The following C1GALT1 variants were observed in gnomAD, a reference collection of about 807,000 sequenced individuals.
C1GALT1 encodes the protein core 1 synthase, glycoprotein-N-acetylgalactosamine 3-beta-galactosyltransferase 1.
A neutral mutation model predicts 31.0 loss-of-function variants in C1GALT1; 11 were observed. That is an observed-to-expected ratio of 0.36 (90% CI 0.22 to 0.59). The LOEUF (loss-of-function observed/expected upper bound fraction) is 0.59. Ranked by LOEUF, C1GALT1 falls within the 20% of genes least tolerant of loss-of-function variation. The pLI is 0.79. For missense variants in C1GALT1, 424 were observed against 425.2 expected (o/e 1.00, Z 0.03); for synonymous variants, 175 against 143.6 (o/e 1.22, Z -1.56).
chr7:7,219,423 A>G (rs1782406324), intron 1 of C1GALT1, among the ~76,000 whole-genome samples: 1 of 152,064 alleles, frequency 6.6e-6, no homozygotes, highest in African/African-American at 2.4e-5. Context: ...GATAACAGGA[A>G]GCTAGGCATA....
intron 2 of C1GALT1, among the ~76,000 whole-genome samples, chr7:7,169,822 G>A (rs1780434401): frequency 2.0e-5 from 3 of 152,114 alleles, no homozygotes; most frequent in Admixed American, 1.3e-4. Flanking sequence ...GCACTTTTTT[G>A]TGATGTCTTT....
At chr7:7,234,223 C>A in intron 1 of C1GALT1, 80 bp from the exon 2 acceptor site, 1 of 1,032,268 alleles carries the variant, frequency 9.7e-7, no homozygotes, top group East Asian at 2.4e-5. Context: ...TCCGTTATAG[C>A]TAAATGTTAC....
Position 7,244,117 on chromosome 7 carries a change from G to A in C1GALT1, c.*390G>A. ...ATAAACAGATCTGCCTTAAAGAAAA[G>A]AAAATTTTAGAAAGAAATATTGTTG... is the stretch of plus-strand genomic sequence containing the variant. On this transcript the variant is annotated 3_prime_UTR_variant, in exon 4 of 4. Transcript: ENST00000436587. 1 of 154,122 alleles carries A rather than the reference G, an allele frequency of 6.5e-6. No homozygotes were observed. Among genetic ancestry groups the A allele is most frequent in the South Asian group, 2.0e-4 (1 of 4,896 alleles). The allele number at this position is 154,122 out of a possible 1,614,324, so 9.5% of individuals were successfully genotyped here. A position where few individuals can be genotyped will look rare whatever the true frequency, so the allele number is the denominator to read the frequency against.
rs748434606 is a variant in C1GALT1 at position 7,238,882 on chromosome 7, C to T, written c.848C>T (p.Thr283Met). 6.2e-6 allele frequency: 10 copies of T among 1,613,246 alleles called. No individual in the cohort carries two copies. The highest frequency in any genetic ancestry group is 1.7e-4 in the Middle Eastern group (1 of 6,052). The change falls in exon 3 of 4, where the codon ACG becomes ATG. Residue 283 changes from threonine (T) to methionine (M), a missense_variant. By Grantham distance (81) the Thr-to-Met change is moderately conservative. This residue lies in a region of C1GALT1 where 191 missense variants were observed against 188.8 expected (regional missense o/e 1.01). Transcript: ENST00000436587. This position sits in a 1 kb window ranked among gnomAD's most constrained non-coding sequence, Gnocchi z 5.2. ...HHLIKGYLPR[T>M]FWYWNYNYYP... ...TTAATTAAAGGTTATCTACCTAGAA[C>T]GTTTTGGTACTGGAATTACAACTAT... is the stretch of plus-strand genomic sequence containing the variant.
chr7:7,173,239 G>A (rs1327995701), intron 2 of C1GALT1, among the ~76,000 whole-genome samples: 1 of 151,788 alleles, frequency 6.6e-6, no homozygotes, highest in African/African-American at 2.4e-5. Flanking sequence ...AAAAGTGTGT[G>A]GCATCACCCC....
intron 1 of C1GALT1, 182 bp from the exon 2 acceptor site, chr7:7,234,121 T>C: frequency 1.7e-6 from 1 of 586,372 alleles, no homozygotes; most frequent in Admixed American, 3.1e-5. Flanking sequence ...CTAATTAATC[T>C]GGTTTTATGG....
Position 7,213,357 on chromosome 7 carries a change from G to T in C1GALT1, c.-17-20946G>T, listed in dbSNP as rs191762524. 2.5e-3 allele frequency among the ~76,000 whole-genome samples: 382 copies of T among 152,274 alleles called. 3 individuals are homozygous for T. The highest frequency in any genetic ancestry group is 2.0e-3 in the Non-Finnish European group (133 of 68,004). On this transcript the variant is annotated intron_variant, in intron 1 of 3. Coordinates refer to ENST00000436587, the MANE Select transcript of C1GALT1 (RefSeq NM_020156.5). Reference sequence around the variant, plus strand: ...GTTTACAGTAACTTTAGCCTTAATTGTGATTGACAGCATGTACTTCGGCAT... The same window carrying T: ...GTTTACAGTAACTTTAGCCTTAATTTTGATTGACAGCATGTACTTCGGCAT...
At position 7,246,995 on chromosome 7, in the gene C1GALT1, A is replaced by G. The variant is rs772106428; in HGVS notation, c.*3268A>G. ...AATCTGTAATTCTCCAAGTTTAGTA[A>G]TTTTATATTGAGGCAGGAAGGGCTC... On this transcript the variant is annotated 3_prime_UTR_variant, in exon 4 of 4. Transcript: ENST00000436587. The G allele has an allele frequency of 3.9e-4, 59 of 152,162 alleles. No individual in the cohort carries two copies. The highest frequency in any genetic ancestry group is 6.3e-4 in the Non-Finnish European group (43 of 68,020). 9.4% of individuals were successfully genotyped at this position (152,162 alleles called of 1,614,324 possible).
upstream of C1GALT1, among the ~76,000 whole-genome samples, chr7:7,180,387 G>T (rs758448029): frequency 6.6e-6 from 1 of 152,210 alleles, no homozygotes; most frequent in Non-Finnish European, 1.5e-5. Flanking sequence ...GTTCATCAGA[G>T]ACTTTTTTTA....
chr7:7,243,125 G>A (rs1367834375), intron 3 of C1GALT1, among the ~76,000 whole-genome samples: 1 of 152,114 alleles, frequency 6.6e-6, no homozygotes, highest in African/African-American at 2.4e-5. Flanking sequence ...CTAGAGGTAT[G>A]TTTCCGAGTA....
intron 1 of C1GALT1, among the ~76,000 whole-genome samples, chr7:7,210,191 A>G (rs1422976357): frequency 1.3e-5 from 2 of 152,078 alleles, no homozygotes; most frequent in African/African-American, 4.8e-5. Flanking sequence ...GACTCTTGGA[A>G]CAGTAACAAA....
At chr7:7,157,559 G>T (rs1198404155) in intron 2 of C1GALT1, 1 of 152,188 alleles carries the variant, frequency 6.6e-6, no homozygotes, top group Non-Finnish European at 1.5e-5. Flanking sequence ...TTTAAATCAT[G>T]AATCTATCAA....
intron 1 of C1GALT1, among the ~76,000 whole-genome samples, chr7:7,233,446 G>A (rs1450489463): frequency 6.6e-6 from 1 of 152,072 alleles, no homozygotes; most frequent in African/African-American, 2.4e-5. Flanking sequence ...GCAGGCATAT[G>A]CCACCATGCC....
chr7:7,212,940 T>G (rs1782072592), intron 1 of C1GALT1, among the ~76,000 whole-genome samples: 1 of 152,184 alleles, frequency 6.6e-6, no homozygotes, highest in Non-Finnish European at 1.5e-5. Context: ...GCTCCAAATT[T>G]TGTTTACAGT....
chr7:7,187,883 A>T (rs1039498359), intron 1 of C1GALT1, among the ~76,000 whole-genome samples: 1 of 152,224 alleles, frequency 6.6e-6, no homozygotes, highest in African/African-American at 2.4e-5. Flanking sequence ...TCTAGGTCAT[A>T]GCCTTTATTT....
chr7:7,231,932 A>G (rs150478831), intron 1 of C1GALT1, among the ~76,000 whole-genome samples: 31 of 152,310 alleles, frequency 2.0e-4, no homozygotes, highest in African/African-American at 7.5e-4. Flanking sequence ...CGTTGTAAAG[A>G]TTGGTCTATT....
intron 1 of C1GALT1, among the ~76,000 whole-genome samples, chr7:7,214,740 G>C (rs1050160721): frequency 6.6e-6 from 1 of 152,166 alleles, no homozygotes; most frequent in African/African-American, 2.4e-5. Flanking sequence ...GCCCATCCCA[G>C]GGGTAGGCCG....
At chr7:7,169,898 C>T (rs902180010) in intron 2 of C1GALT1, among the ~76,000 whole-genome samples, 5 of 152,142 alleles carry the variant, frequency 3.3e-5, no homozygotes, top group Non-Finnish European at 7.4e-5. Context: ...CTTTCCTCTT[C>T]TATTTTCTGA....
intron 1 of C1GALT1, chr7:7,210,694 T>G (rs887360689): frequency 1.3e-5 from 2 of 152,128 alleles, no homozygotes. Context: ...CCCTGGTCTT[T>G]TAATATGCAA....
Sources: allele counts gnomAD v4.1 joint callset (sites outside exome capture counted in the v4.1 genomes callset), GRCh38; gene constraint gnomAD v4.1.1; regional missense constraint gnomAD v4.1.1; non-coding constraint Gnocchi (gnomAD v3.1); transcripts MANE v1.5; gene names NCBI Gene and HGNC (gene_info 2026-07-23, HGNC 2026-07-21).